The following HIPK3 variants were observed in gnomAD, a reference collection of about 807,000 sequenced individuals.
The protein encoded by HIPK3 is homeodomain interacting protein kinase 3.
A neutral mutation model predicts 124.2 loss-of-function variants in HIPK3; 47 were observed. The observed-to-expected ratio is 0.38, with a 90% CI of 0.30 to 0.48. The LOEUF is 0.48. Ranked by LOEUF, HIPK3 falls within the 20% of genes least tolerant of loss-of-function variation. The pLI, the probability that HIPK3 is intolerant of heterozygous loss-of-function variation, is 0.98. For synonymous variants in HIPK3, 482 were observed against 515.2 expected (o/e 0.94, Z 0.87); for missense variants, 1,286 against 1,454.3 (o/e 0.88, Z 1.88).
chr11:33,258,151 C>A (rs1249818512), intron 1 of HIPK3, among the ~76,000 whole-genome samples: 1 of 152,092 alleles, frequency 6.6e-6, no homozygotes, highest in African/African-American at 2.4e-5. Flanking sequence ...GGCCGCCGGA[C>A]GCGGGGGCCG....
intron 2 of HIPK3, among the ~76,000 whole-genome samples, chr11:33,314,498 C>CA (rs1294808101): frequency 1.1e-4 from 17 of 151,962 alleles, no homozygotes; most frequent in Non-Finnish European, 2.4e-4. Flanking sequence ...ACTAAAAATA[C>CA]AAAAAAATTT....
intron 1 of HIPK3, chr11:33,258,266 G>A (rs1463380889): frequency 2.1e-5 from 21 of 978,780 alleles, no homozygotes; most frequent in South Asian, 9.6e-5. Context: ...GTTTTGTTTA[G>A]TCCCACGGGG....
intron 2 of HIPK3, among the ~76,000 whole-genome samples, chr11:33,297,290 C>T (rs891240850): frequency 3.0e-4 from 46 of 152,156 alleles, no homozygotes; most frequent in African/African-American, 2.9e-4. Flanking sequence ...GACGGGGCTT[C>T]GCCATGTTGG....
At chr11:33,338,012 C>T (rs915562703) in intron 4 of HIPK3, among the ~76,000 whole-genome samples, 2 of 152,146 alleles carry the variant, frequency 1.3e-5, no homozygotes, top group African/African-American at 4.8e-5. Flanking sequence ...GGAATAACTT[C>T]ACTAACTCTC....
rs768803562 is a variant in HIPK3 at position 33,353,432 on chromosome 11, G to A, written c.3512G>A (p.Arg1171His). Residue 1171 changes from arginine to histidine, a missense_variant, in exon 17 of 17, where the codon CGT becomes CAT. Arg to His is a conservative substitution (Grantham distance 29, BLOSUM62 0). This residue lies in a region of HIPK3 where 810 missense variants were observed against 864.9 expected (regional missense o/e 0.94). Coordinates refer to ENST00000303296, the MANE Select transcript of HIPK3 (RefSeq NM_005734.5). ...VHQVPVGLNP[R>H]LLPSPTIHQT... is the part of the protein sequence containing the mutation. ...CAAGTCCCAGTGGGCTTAAATCCCC[G>A]TCTGTTACCATCCCCAACCATTCAT... The A allele has an allele frequency of 1.6e-5, 26 of 1,613,764 alleles. No individual in the cohort carries two copies. The highest frequency in any genetic ancestry group is 3.3e-4 in the Middle Eastern group (2 of 6,082).
intron 13 of HIPK3, among the ~76,000 whole-genome samples, 160 bp downstream of exon 13, chr11:33,348,978 T>C (rs1853580134): frequency 6.6e-6 from 1 of 152,228 alleles, no homozygotes. Flanking sequence ...CTAAATAACA[T>C]TTAGCACGAT....
upstream of HIPK3, chr11:33,257,278 C>A: frequency 2.4e-5 from 24 of 983,378 alleles, no homozygotes; most frequent in Non-Finnish European, 2.9e-5. Context: ...CGGAGCGGAG[C>A]CGCCCGGGCT....
intron 12 of HIPK3, 21 bp downstream of exon 12, chr11:33,348,249 CT>C: frequency 3.1e-6 from 5 of 1,602,724 alleles, no homozygotes; most frequent in Non-Finnish European, 4.3e-6. Flanking sequence ...CTTTATTGCC[CT>C]TTTGATTTAT....
chr11:33,293,595 A>G (rs1565068558), intron 2 of HIPK3, among the ~76,000 whole-genome samples: 1 of 152,066 alleles, frequency 6.6e-6, no homozygotes. Flanking sequence ...TGTAGGATGT[A>G]TCAATACTTA....
intron 1 of HIPK3, among the ~76,000 whole-genome samples, chr11:33,274,500 T>C (rs1851220531): frequency 6.6e-6 from 1 of 152,198 alleles, no homozygotes; most frequent in Non-Finnish European, 1.5e-5. Flanking sequence ...GGGCGTTGTA[T>C]GAAGAATTTA....
intron 1 of HIPK3, among the ~76,000 whole-genome samples, chr11:33,258,105 G>A (rs933339384): frequency 6.6e-6 from 1 of 152,016 alleles, no homozygotes; most frequent in Admixed American, 6.5e-5. Flanking sequence ...CCCGGTATGA[G>A]CCGCTCCCTC....
intron 2 of HIPK3, among the ~76,000 whole-genome samples, chr11:33,306,774 G>T (rs1852172579): frequency 6.6e-6 from 1 of 152,122 alleles, no homozygotes; most frequent in Admixed American, 6.5e-5. Flanking sequence ...CTATTAAAGT[G>T]GCATGGTTTA....
chr11:33,286,339 T>C, intron 1 of HIPK3, 74 bp from the exon 2 acceptor site: 1 of 1,303,462 alleles, frequency 7.7e-7, no homozygotes. Context: ...TATTTAAAAT[T>C]GAAAAAAAAA....
intron 2 of HIPK3, among the ~76,000 whole-genome samples, chr11:33,307,657 C>T (rs1274684158): frequency 6.6e-6 from 1 of 151,676 alleles, no homozygotes; most frequent in Non-Finnish European, 1.5e-5. Flanking sequence ...CCGCCCGCCT[C>T]GGCCTCCCAA....
At chr11:33,277,778 A>G (rs540824387) in intron 1 of HIPK3, among the ~76,000 whole-genome samples, 2 of 152,342 alleles carry the variant, frequency 1.3e-5, no homozygotes, top group Non-Finnish European at 2.9e-5. Flanking sequence ...TTACCCTTGT[A>G]TAACAGTTCC....
chr11:33,310,729 G>A (rs541195523), intron 2 of HIPK3, among the ~76,000 whole-genome samples: 5 of 152,342 alleles, frequency 3.3e-5, no homozygotes, highest in African/African-American at 9.6e-5. Context: ...AAATAGTACA[G>A]ATAGGAACAT....
At chr11:33,299,088 C>T (rs963375530) in intron 2 of HIPK3, among the ~76,000 whole-genome samples, 1 of 151,584 alleles carries the variant, frequency 6.6e-6, no homozygotes, top group Non-Finnish European at 1.5e-5. Context: ...CTCAAGTGAT[C>T]TACCTGCCTC....
At chr11:33,344,332 C>T (rs1853431817) in intron 8 of HIPK3, among the ~76,000 whole-genome samples, 1 of 152,108 alleles carries the variant, frequency 6.6e-6, no homozygotes, top group Non-Finnish European at 1.5e-5. Flanking sequence ...TTCTAGTAAT[C>T]CCTCCCATGT....
intron 2 of HIPK3, among the ~76,000 whole-genome samples, 198 bp from the exon 3 acceptor site, chr11:33,328,312 G>A (rs1455900748): frequency 1.3e-5 from 2 of 152,160 alleles, no homozygotes; most frequent in African/African-American, 4.8e-5. Context: ...CTTTATTATA[G>A]AAATGTTGTA....
Sources: allele counts gnomAD v4.1 joint callset (sites outside exome capture counted in the v4.1 genomes callset), GRCh38; gene constraint gnomAD v4.1.1; regional missense constraint gnomAD v4.1.1; transcripts MANE v1.5; gene names NCBI Gene and HGNC (gene_info 2026-07-23, HGNC 2026-07-21).